The following CPED1 variants were observed in gnomAD, a reference collection of about 807,000 sequenced individuals.
The protein encoded by CPED1 is cadherin like and PC-esterase domain containing 1.
Under a neutral mutation model 128.2 loss-of-function variants are expected in CPED1, and 114 were observed. The observed-to-expected ratio is 0.89, with a 90% CI of 0.76 to 1.04. The LOEUF (loss-of-function observed/expected upper bound fraction) is 1.04, where lower values mean the gene tolerates loss of function less well. CPED1 is among the 50% of genes least tolerant of loss of function. CPED1 has a pLI of 0.00. For synonymous variants in CPED1, 462 were observed against 426.7 expected, an observed-to-expected ratio of 1.08 and a Z score of -1.02; for missense variants, 1,211 against 1,207.1, an observed-to-expected ratio of 1.00 and a Z score of -0.05.
intron 22 of CPED1, among the ~76,000 whole-genome samples, chr7:121,290,937 T>A (rs575182663): frequency 1.3e-5 from 2 of 152,344 alleles, no homozygotes; most frequent in South Asian, 4.1e-4. Context: ...TGGTTTTAGG[T>A]CTTATGTTTA....
intron 22 of CPED1, among the ~76,000 whole-genome samples, chr7:121,290,150 T>C (rs1026117003): frequency 6.6e-6 from 1 of 152,236 alleles, no homozygotes; most frequent in South Asian, 2.1e-4. Context: ...TCCTTTTTTA[T>C]GGCTGCATAG....
At chr7:121,166,781 T>A (rs190629629) in intron 16 of CPED1, among the ~76,000 whole-genome samples, 1 of 152,296 alleles carries the variant, frequency 6.6e-6, no homozygotes, top group Non-Finnish European at 1.5e-5. Context: ...TTTTCCTAGT[T>A]GCTACAAGAA....
intron 16 of CPED1, among the ~76,000 whole-genome samples, chr7:121,160,389 TAGAG>T (rs1270224583): frequency 6.6e-5 from 10 of 152,096 alleles, no homozygotes; most frequent in Non-Finnish European, 1.3e-4. Flanking sequence ...TATGAGGGGA[TAGAG>T]AGCGAGAAGA....
chr7:121,063,398 A>AAAAAAAAAC (rs1793734689), intron 4 of CPED1, among the ~76,000 whole-genome samples: 1 of 150,640 alleles, frequency 6.6e-6, no homozygotes, highest in Non-Finnish European at 1.5e-5. Context: ...AAAAAAAAAA[A>AAAAAAAAAC]AAAAGCAAAT....
intron 16 of CPED1, among the ~76,000 whole-genome samples, chr7:121,207,512 C>T (rs1238498739): frequency 6.6e-6 from 1 of 152,024 alleles, no homozygotes; most frequent in Non-Finnish European, 1.5e-5. Context: ...ATTGATTCTT[C>T]TTTCCAATGG....
At chr7:121,126,721 A>AT (rs1460072125) in intron 9 of CPED1, among the ~76,000 whole-genome samples, 1 of 151,938 alleles carries the variant, frequency 6.6e-6, no homozygotes, top group Non-Finnish European at 1.5e-5. Flanking sequence ...TTAAATACTC[A>AT]TTTTTTCATT....
intron 18 of CPED1, among the ~76,000 whole-genome samples, chr7:121,244,554 T>G (rs1333877176): frequency 1.4e-4 from 21 of 152,218 alleles, no homozygotes; most frequent in Admixed American, 1.4e-3. Context: ...GTAACTCTGT[T>G]TGACAGATGG....
chr7:121,051,219 A>G (rs751989645), intron 4 of CPED1: 27 of 488,754 alleles, frequency 5.5e-5, no homozygotes, highest in Non-Finnish European at 1.0e-4. Context: ...ACAGTATACC[A>G]TGTCTTACCA....
intron 16 of CPED1, among the ~76,000 whole-genome samples, chr7:121,222,637 A>G (rs1450851046): frequency 6.6e-6 from 1 of 152,164 alleles, no homozygotes; most frequent in Non-Finnish European, 1.5e-5. Context: ...TTCATTGAGC[A>G]GTGGTTTGTA....
intron 2 of CPED1, among the ~76,000 whole-genome samples, chr7:121,006,749 T>C (rs894633713): frequency 6.6e-6 from 1 of 152,224 alleles, no homozygotes; most frequent in Non-Finnish European, 1.5e-5. Context: ...CCTGTGTTTT[T>C]GTAATCTCAG....
At chr7:121,055,585 TATA>T (rs1793475326) in intron 4 of CPED1, among the ~76,000 whole-genome samples, 1 of 149,942 alleles carries the variant, frequency 6.7e-6, no homozygotes, top group Non-Finnish European at 1.5e-5. Flanking sequence ...AAAATATAGA[TATA>T]ATAAATAATT....
chr7:121,090,133 C>G (rs1236732391), intron 5 of CPED1, among the ~76,000 whole-genome samples: 1 of 152,134 alleles, frequency 6.6e-6, no homozygotes, highest in East Asian at 1.9e-4. Flanking sequence ...TTTGACACTT[C>G]CACTGAAAAA....
At chr7:121,028,699 G>A (rs1204109964) in intron 3 of CPED1, among the ~76,000 whole-genome samples, 2 of 152,150 alleles carry the variant, frequency 1.3e-5, no homozygotes, top group Non-Finnish European at 2.9e-5. Context: ...CATTGGCCTA[G>A]GTTGCATTGT....
intron 16 of CPED1, among the ~76,000 whole-genome samples, chr7:121,184,900 TA>T (rs1319939510): frequency 1.3e-5 from 2 of 152,114 alleles, no homozygotes; most frequent in African/African-American, 4.8e-5. Flanking sequence ...CTTGAAAGCA[TA>T]AAAATAATTG....
intron 2 of CPED1, among the ~76,000 whole-genome samples, chr7:121,011,193 A>T (rs1406128028): frequency 6.6e-6 from 1 of 152,112 alleles, no homozygotes; most frequent in Non-Finnish European, 1.5e-5. Context: ...TCCAGAAAAA[A>T]ATCTTTCTGC....
chr7:121,005,384 A>C (rs1791981001), intron 2 of CPED1, among the ~76,000 whole-genome samples: 1 of 152,160 alleles, frequency 6.6e-6, no homozygotes, highest in Non-Finnish European at 1.5e-5. Flanking sequence ...GTGCTGCAAT[A>C]AACACATGTG....
intron 16 of CPED1, among the ~76,000 whole-genome samples, chr7:121,166,793 T>C (rs1393718109): frequency 6.6e-6 from 1 of 152,050 alleles, no homozygotes; most frequent in Non-Finnish European, 1.5e-5. Context: ...CTACAAGAAA[T>C]AAATGTAGGA....
chr7:121,059,832 C>T (rs1585045553), intron 4 of CPED1, among the ~76,000 whole-genome samples: 1 of 152,242 alleles, frequency 6.6e-6, no homozygotes, highest in Admixed American at 6.5e-5. Context: ...CCTTCGCTCG[C>T]TCTCGGCGCC....
chr7:121,100,194 A>G (rs545633007), intron 7 of CPED1, 100 bp downstream of exon 7: 2 of 1,011,198 alleles, frequency 2.0e-6, no homozygotes, highest in Non-Finnish European at 1.5e-6. Flanking sequence ...ATCAAATCCC[A>G]TTGAACAAGG....
Sources: gnomAD v4.1 joint callset for allele counts (sites outside exome capture counted in the v4.1 genomes callset) on GRCh38, gnomAD v4.1.1 for gene constraint, MANE v1.5 for transcripts, NCBI Gene and HGNC (gene_info 2026-07-23, HGNC 2026-07-21) for gene names.